The following MARCHF1 variants were observed in gnomAD, a reference collection of about 807,000 sequenced individuals.
The protein encoded by MARCHF1 is membrane associated ring-CH-type finger 1, also known as E3 ubiquitin-protein ligase MARCHF1.
In MARCHF1, 40 loss-of-function variants were observed where a neutral mutation model predicts 54.2. That is an observed-to-expected ratio of 0.74 (90% CI 0.57 to 0.96). The LOEUF is 0.96. Among genes scored for constraint, MARCHF1 ranks in the 40% least tolerant of loss-of-function variants. MARCHF1 has a pLI of 0.00. For synonymous variants in MARCHF1, 236 were observed against 236.3 expected, an observed-to-expected ratio of 1.00 and a Z score of 0.01; for missense variants, 586 against 656.5, an observed-to-expected ratio of 0.89 and a Z score of 1.17.
intron 3 of MARCHF1, among the ~76,000 whole-genome samples, chr4:163,914,046 T>A (rs1378670549): frequency 2.6e-5 from 4 of 151,604 alleles, no homozygotes; most frequent in African/African-American, 7.3e-5. Flanking sequence ...TTTCTGACAG[T>A]TATTATTCAA....
chr4:164,012,139 C>T (rs1040576662), intron 2 of MARCHF1, among the ~76,000 whole-genome samples: 1 of 152,164 alleles, frequency 6.6e-6, no homozygotes, highest in Non-Finnish European at 1.5e-5. Context: ...AAGTGGCAGT[C>T]AGGACACAAG....
At chr4:164,150,989 C>T (rs1204421844) in intron 1 of MARCHF1, among the ~76,000 whole-genome samples, 1 of 152,220 alleles carries the variant, frequency 6.6e-6, no homozygotes, top group East Asian at 1.9e-4. Context: ...GAGAAAGTCT[C>T]GACTGGCCAT....
chr4:164,073,510 G>A (rs1221452493), intron 2 of MARCHF1, among the ~76,000 whole-genome samples: 1 of 152,008 alleles, frequency 6.6e-6, no homozygotes, highest in African/African-American at 2.4e-5. Flanking sequence ...GTGGGGGGCA[G>A]GGGGAGGGAT....
At position 164,146,391 on chromosome 4, in the gene MARCHF1, C is replaced by G. The variant is rs542284782; in HGVS notation, c.-322-34729G>C. Among the ~76,000 whole-genome samples the G allele has an allele frequency of 2.6e-5, 4 of 151,978 alleles. No homozygotes were observed. The South Asian group carries it at 8.3e-4, about 32-fold the overall frequency. On this transcript the variant is annotated intron_variant, in intron 1 of 9. Transcript: ENST00000514618. ...TCAATCCTGAACCAAAAGAACAAAG[C>G]TGGAGGCATCACACTACCTGACTTC...
Position 163,638,469 on chromosome 4 carries a change from C to T in MARCHF1, c.163-25076G>A, listed in dbSNP as rs548195625. 2.0e-5 allele frequency among the ~76,000 whole-genome samples: 3 copies of T among 152,154 alleles called. No homozygotes were observed. In the East Asian group the frequency reaches 5.8e-4, roughly 30 times the overall value. On this transcript the variant is annotated intron_variant, in intron 5 of 9. Transcript: ENST00000514618. ...CATGTGAGTACTAACGCCTGCTTTG[C>T]CTAATGCTATGATTGAAAGTTTCCT...
chr4:164,170,588 T>C (rs930777429), intron 1 of MARCHF1, among the ~76,000 whole-genome samples: 1 of 152,026 alleles, frequency 6.6e-6, no homozygotes, highest in African/African-American at 2.4e-5. Flanking sequence ...TATGGTTCCT[T>C]CCCTCAAAAA....
At chr4:164,042,241 G>A (rs995098071) in intron 2 of MARCHF1, among the ~76,000 whole-genome samples, 1 of 152,094 alleles carries the variant, frequency 6.6e-6, no homozygotes, top group African/African-American at 2.4e-5. Flanking sequence ...ATTCATTTCT[G>A]TATTAGTCTG....
At position 163,620,602 on chromosome 4, in the gene MARCHF1, CACACAGAGAG is replaced by C. The variant is rs1198554512; in HGVS notation, c.163-7219_163-7210del. 6.8e-3 allele frequency among the ~76,000 whole-genome samples: 665 copies of C among 97,848 alleles called. 1 individual carries two copies. Among genetic ancestry groups the C allele is most frequent in the South Asian group, 0.024 (74 of 3,048 alleles). 64.2% of individuals were successfully genotyped at this position (97,848 alleles called of 152,430 possible). A position where few individuals can be genotyped will look rare whatever the true frequency, so the allele number is the denominator to read the frequency against. ...ACACACACACACACACACACACACA[CACACAGAGAG>C]AGAGAGAGAGAGAGAGAGAGAGAGA... is the stretch of plus-strand genomic sequence containing the variant. On this transcript the variant is annotated intron_variant, in intron 5 of 9. Transcript: ENST00000514618.
At chr4:163,663,638 T>C (rs1472269468) in intron 5 of MARCHF1, among the ~76,000 whole-genome samples, 2 of 151,856 alleles carry the variant, frequency 1.3e-5, no homozygotes, top group Non-Finnish European at 2.9e-5. Context: ...AACCCAAGAG[T>C]GAGCAATAGG....
intron 1 of MARCHF1, among the ~76,000 whole-genome samples, chr4:164,165,479 C>A (rs529287084): frequency 6.6e-6 from 1 of 152,024 alleles, no homozygotes; most frequent in African/African-American, 2.4e-5. Flanking sequence ...CCAAGCCGTG[C>A]TGGCACCTTG....
At chr4:163,986,227 C>T (rs1579441681) in intron 3 of MARCHF1, among the ~76,000 whole-genome samples, 1 of 115,640 alleles carries the variant, frequency 8.6e-6, no homozygotes, top group African/African-American at 3.0e-5. Context: ...GTTTCCTTTC[C>T]TTTTCTCCTA....
At chr4:164,257,200 G>A (rs1173322526) in intron 1 of MARCHF1, among the ~76,000 whole-genome samples, 1 of 152,068 alleles carries the variant, frequency 6.6e-6, no homozygotes, top group Non-Finnish European at 1.5e-5. Flanking sequence ...TTTAAAATGT[G>A]ATGCAGAAGC....
At chr4:164,287,876 A>G (rs1028978323) in intron 1 of MARCHF1, among the ~76,000 whole-genome samples, 9 of 152,208 alleles carry the variant, frequency 5.9e-5, no homozygotes, top group Non-Finnish European at 1.2e-4. Context: ...GTGGAAATAA[A>G]ATGTCTTAGA....
chr4:164,214,110 A>T (rs4527441), intron 1 of MARCHF1, among the ~76,000 whole-genome samples: 149,706 of 152,046 alleles, frequency 0.98, 73,709 homozygotes, highest in Middle Eastern at 1. Context: ...AAATATATAT[A>T]TTTCTGTATT....
intron 1 of MARCHF1, among the ~76,000 whole-genome samples, chr4:164,141,806 T>TG (rs772972652): frequency 2.6e-4 from 39 of 152,208 alleles, no homozygotes; most frequent in Non-Finnish European, 4.6e-4. Context: ...TTACATATGT[T>TG]GGGGGGAGGA....
chr4:164,026,254 A>C (rs1753766421), intron 2 of MARCHF1, among the ~76,000 whole-genome samples: 1 of 152,116 alleles, frequency 6.6e-6, no homozygotes, highest in African/African-American at 2.4e-5. Flanking sequence ...CATCAGCTTG[A>C]TACCAAAATC....
At chr4:163,576,333 T>C (rs1207150752) in intron 8 of MARCHF1, among the ~76,000 whole-genome samples, 1 of 152,146 alleles carries the variant, frequency 6.6e-6, no homozygotes. Context: ...TTAATTTCCA[T>C]GTAATTGTTT....
rs1168927601 is a variant in MARCHF1, at chr4:163,527,648, A to AAAAG, written c.*1096_*1099dup. The AAAAG allele has an allele frequency of 1.1e-4, 16 of 152,144 alleles. No homozygotes were observed. Among genetic ancestry groups the AAAAG allele is most frequent in the African/African-American group, 9.6e-5 (4 of 41,562 alleles). 9.4% of individuals were successfully genotyped at this position (152,144 alleles called of 1,614,324 possible). Reference sequence around the variant, plus strand: ...TAACTAACTTTTGTGACTTTGAAATAAAAGAATGAATTAAACTGTTTTGAA... The same window carrying AAAAG: ...TAACTAACTTTTGTGACTTTGAAATAAAAGAAAGAATGAATTAAACTGTTTTGAA... On this transcript the variant is annotated 3_prime_UTR_variant, in exon 10 of 10. Transcript: ENST00000514618.
At chr4:163,574,943 A>G (rs989412794) in intron 8 of MARCHF1, among the ~76,000 whole-genome samples, 3 of 151,964 alleles carry the variant, frequency 2.0e-5, no homozygotes, top group Non-Finnish European at 2.9e-5. Context: ...CTTCCTACCC[A>G]TGAGCATGGA....
Sources: allele counts gnomAD v4.1 joint callset (sites outside exome capture counted in the v4.1 genomes callset), GRCh38; gene constraint gnomAD v4.1.1; transcripts MANE v1.5; gene names NCBI Gene and HGNC (gene_info 2026-07-23, HGNC 2026-07-21).